Variants in IFNL2 observed in about 807,000 individuals in gnomAD.
IFNL2 encodes the protein interferon lambda 2.
IFNL2 carries 17 observed loss-of-function variants against 18.7 expected under a neutral mutation model. The observed-to-expected ratio is 0.91, with a 90% CI of 0.62 to 1.36. The LOEUF is 1.36. IFNL2 is among the 40% of genes most tolerant of loss of function. IFNL2 has a pLI of 0.00. For missense variants in IFNL2, 225 were observed against 257.3 expected (o/e 0.87, Z 0.86); for synonymous variants, 96 against 113.4 (o/e 0.85, Z 0.98).
Position 39,269,531 on chromosome 19 carries a change from C to T in IFNL2, c.314C>T (p.Thr105Met), listed in dbSNP as rs200211932. 1.2e-4 allele frequency: 195 copies of T among 1,614,110 alleles called. No homozygotes were observed. The highest frequency in any genetic ancestry group is 1.4e-4 in the Non-Finnish European group (168 of 1,180,044). The stretch of plus-strand genomic sequence containing the variant: ...GCTTTGGAGGCTGAGCTGGCCCTGA[C>T]GCTGAAGGTTCTGGAGGCCACCGCT... ...PMALEAELAL[T>M]LKVLEATADT... Residue 105 changes from threonine to methionine, a missense_variant, in exon 4 of 6, where the codon ACG (threonine) becomes ATG (methionine). Thr to Met is a moderately conservative substitution (Grantham distance 81, BLOSUM62 -1). Coordinates refer to ENST00000331982, the MANE Select transcript of IFNL2 (RefSeq NM_172138.2).
At chr19:39,269,089 C>G in intron 2 of IFNL2, 63 bp from the exon 3 acceptor site, 2 of 1,549,652 alleles carry the variant, frequency 1.3e-6, no homozygotes, top group Non-Finnish European at 1.8e-6. Context: ...ATCCTCCAAT[C>G]CCACCAGGAT....
At position 39,269,794 on chromosome 19, in the gene IFNL2, G is replaced by A. The variant is rs762115253; in HGVS notation, c.477G>A (p.Leu159=). ...CCCGGGGCCGCCTCCACCATTGGCT[G>A]TACCGGCTCCAGGAGGCCCCAAAAA... ...PRTRGRLHHW[L]YRLQEAPKKE... Residue 159 remains leucine, a synonymous_variant, in exon 5 of 6, where the codon CTG becomes CTA. Transcript: ENST00000331982. 21 of 1,609,350 alleles carry A rather than the reference G, an allele frequency of 1.3e-5. No individual in the cohort carries two copies. Among genetic ancestry groups the A allele is most frequent in the Admixed American group, 1.7e-5 (1 of 59,408 alleles).
At chr19:39,269,699 C>G in intron 4 of IFNL2, 39 bp from the exon 5 acceptor site, 1 of 1,607,300 alleles carries the variant, frequency 6.2e-7, no homozygotes, top group Non-Finnish European at 8.5e-7. Flanking sequence ...TTCCCCTTGC[C>G]AAGGCCCCGG....
chr19:39,269,185 C>A lies in IFNL2; in HGVS notation c.226C>A (p.His76Asn). The A allele has an allele frequency of 6.2e-7, 1 of 1,610,762 alleles. No individual in the cohort carries two copies. Among genetic ancestry groups the A allele is most frequent in the Non-Finnish European group, 8.5e-7 (1 of 1,178,556 alleles). ...ESLLLKDCRC[H>N]SRLFPRTWDL... ...GCTTCTGCTGAAGGACTGCAGGTGC[C>A]ACTCCCGCCTCTTCCCCAGGACCTG... The change falls in exon 3 of 6, where the codon CAC becomes AAC. Residue 76 changes from histidine (H) to asparagine (N), a missense_variant. Physicochemically the swap from His to Asn is moderately conservative, Grantham distance 68. Transcript: ENST00000331982.
At position 39,270,002 on chromosome 19, in the gene IFNL2, C is replaced by T; in HGVS notation, c.592C>T (p.Leu198=). The part of the protein sequence containing the change: ...RDLNCVASGD[L]CV The stretch of plus-strand genomic sequence containing the variant: ...CCTGAATTGTGTTGCCAGTGGGGAC[C>T]TGTGTGTCTGACCCTCCCACCAGTC... Residue 198 remains leucine, a synonymous_variant, in exon 6 of 6, where the codon CTG becomes TTG. Coordinates refer to ENST00000331982, the MANE Select transcript of IFNL2 (RefSeq NM_172138.2). 2.5e-6 allele frequency: 4 copies of T among 1,596,656 alleles called. No individual in the cohort carries two copies. Among genetic ancestry groups the T allele is most frequent in the Non-Finnish European group, 3.4e-6 (4 of 1,171,196 alleles).
intron 3 of IFNL2, 38 bp downstream of exon 3, chr19:39,269,267 C>G (rs749510524): frequency 6.3e-7 from 1 of 1,583,480 alleles, no homozygotes; most frequent in Admixed American, 1.8e-5. Context: ...GCTCTCCCAG[C>G]CCCACTCACC....
In IFNL2 at chr19:39,268,493, T is replaced by G. The variant is rs552990212; in HGVS notation, c.-76T>G. 1.4e-5 allele frequency: 19 copies of G among 1,379,000 alleles called. No individual in the cohort carries two copies. The highest frequency in any genetic ancestry group is 7.4e-5 in the South Asian group (6 of 81,036). The allele number at this position is 1,379,000 out of a possible 1,614,324, so 85.4% of individuals were successfully genotyped here. A position where few individuals can be genotyped will look rare whatever the true frequency, so the allele number is the denominator to read the frequency against. ...AGAGGGGACTGAAAAGAACAGAGAC[T>G]CCAGACAAGACCCAAACAGACCCTG... On this transcript the variant is annotated 5_prime_UTR_variant, in exon 1 of 6. Transcript: ENST00000331982.
At position 39,268,754 on chromosome 19, in the gene IFNL2, A is replaced by T; in HGVS notation, c.88A>T (p.Arg30Trp). ...CGTGACTGGAGCAGTTCCTGTCGCCAGGCTCCACGGGGCTCTCCCGGATGC... is the reference window on the plus strand; with the variant it reads ...CGTGACTGGAGCAGTTCCTGTCGCCTGGCTCCACGGGGCTCTCCCGGATGC... ...LTVTGAVPVA[R>W]LHGALPDARG... Residue 30 changes from arginine to tryptophan, a missense_variant, in exon 2 of 6, where the codon AGG becomes TGG. Physicochemically the swap from Arg to Trp is moderately radical, Grantham distance 101 (BLOSUM62 -3). Transcript: ENST00000331982. 1 of 1,613,290 alleles carries T rather than the reference A, an allele frequency of 6.2e-7. No individual in the cohort carries two copies. Among genetic ancestry groups the T allele is most frequent in the Non-Finnish European group, 8.5e-7 (1 of 1,179,856 alleles).
At position 39,269,081 on chromosome 19, in the gene IFNL2, C is replaced by G. The variant is rs551550242; in HGVS notation, c.193-71C>G. On this transcript the variant is annotated intron_variant, in intron 2 of 5. Coordinates refer to ENST00000331982, the MANE Select transcript of IFNL2 (RefSeq NM_172138.2). ...CCTCCCCTATCCTGTTGTCAGCCAT[C>G]CTCCAATCCCACCAGGATGGTCTAA... is the stretch of plus-strand genomic sequence containing the variant. 33 of 1,531,116 alleles carry G rather than the reference C, an allele frequency of 2.2e-5. No homozygotes were observed. In the Admixed American group the frequency reaches 6.0e-4, roughly 28 times the overall value. The allele number at this position is 1,531,116 out of a possible 1,614,324, so 94.8% of individuals were successfully genotyped here.
intron 2 of IFNL2, 69 bp downstream of exon 2, chr19:39,268,927 C>A: frequency 6.4e-7 from 1 of 1,552,212 alleles, no homozygotes; most frequent in East Asian, 2.3e-5. Flanking sequence ...CCATGCTTTC[C>A]CACTCCCAGC....
intron 3 of IFNL2, 114 bp downstream of exon 3, chr19:39,269,343 C>A: frequency 6.8e-7 from 1 of 1,474,834 alleles, no homozygotes; most frequent in Non-Finnish European, 9.2e-7. Context: ...CTCACACCTG[C>A]TCTCCCTTCC....
intron 2 of IFNL2, 142 bp from the exon 3 acceptor site, chr19:39,269,010 T>C: frequency 2.9e-6 from 4 of 1,367,466 alleles, no homozygotes; most frequent in Non-Finnish European, 4.0e-6. Flanking sequence ...GACTGACTCA[T>C]GTTTTCCTGT....
chr19:39,268,573 A>G lies in IFNL2; in HGVS notation c.5A>G (p.Lys2Arg), dbSNP rs757485825. M[K>R]LDMTGDCTPV... ...GACAAAGACCAGAGATCAGGAATGA[A>G]ACTAGGTGAGTCCCACATCTCTGTC... Residue 2 changes from lysine (K) to arginine (R), a missense_variant, in exon 1 of 6, where the codon AAA becomes AGA. Lys to Arg is a conservative substitution (Grantham distance 26). Transcript: ENST00000331982. The G allele has an allele frequency of 2.5e-6, 4 of 1,612,472 alleles. No individual in the cohort carries two copies. The highest frequency in any genetic ancestry group is 3.4e-6 in the Non-Finnish European group (4 of 1,179,308).
At position 39,268,700 on chromosome 19, in the gene IFNL2, G is replaced by A. The variant is rs955692886; in HGVS notation, c.34G>A (p.Val12Met). 2 of 1,613,084 alleles carry A rather than the reference G, an allele frequency of 1.2e-6. No homozygotes were observed. Among genetic ancestry groups the A allele is most frequent in the Non-Finnish European group, 1.7e-6 (2 of 1,179,862 alleles). The change falls in exon 2 of 6, where the codon GTG (valine) becomes ATG (methionine). Residue 12 changes from valine to methionine, a missense_variant. Val to Met is a conservative substitution (Grantham distance 21). Transcript: ENST00000331982. ...KLDMTGDCTPVLVLMAAVLTV... is the reference protein window; with the variant it reads ...KLDMTGDCTPMLVLMAAVLTV... ...AGACATGACTGGGGACTGCACGCCA[G>A]TGCTGGTGCTGATGGCCGCAGTGCT...
rs760589215 is a variant in IFNL2, at chr19:39,269,438, C to T, written c.271-50C>T. The T allele has an allele frequency of 3.7e-6, 6 of 1,604,844 alleles. No individual in the cohort carries two copies. In the South Asian group the frequency reaches 6.7e-5, roughly 18 times the overall value. ...TGTTCCTCTCTATCCTGCTCCCCAA[C>T]CTGTTCCCCTCACCTCCCCCCTCAC... On this transcript the variant is annotated intron_variant, in intron 3 of 5. Coordinates refer to ENST00000331982, the MANE Select transcript of IFNL2 (RefSeq NM_172138.2).
chr19:39,269,374 A>G, intron 3 of IFNL2, 114 bp from the exon 4 acceptor site: 2 of 1,502,630 alleles, frequency 1.3e-6, no homozygotes, highest in Non-Finnish European at 9.0e-7. Context: ...ACCTGACCAC[A>G]CTGGCTGTGC....
chr19:39,269,453 T>TC (rs2075027348), intron 3 of IFNL2, 35 bp from the exon 4 acceptor site: 1 of 1,610,798 alleles, frequency 6.2e-7, no homozygotes. Context: ...TCCCCTCACC[T>TC]CCCCCCTCAC....
In IFNL2 at chr19:39,269,720, G is replaced by A. The variant is rs376550987; in HGVS notation, c.421-18G>A. 45 of 1,605,272 alleles carry A rather than the reference G, an allele frequency of 2.8e-5. No individual in the cohort carries two copies. Among genetic ancestry groups the A allele is most frequent in the African/African-American group, 4.0e-5 (3 of 74,672 alleles). On this transcript the variant is annotated intron_variant, in intron 4 of 5. Transcript: ENST00000331982. ...TTGCCAAGGCCCCGGCTCACACACC[G>A]CCCTCCTCTGCCCACAGATCCAGCC...
In IFNL2 at chr19:39,270,081, C is replaced by G; in HGVS notation, c.*68C>G. On this transcript the variant is annotated 3_prime_UTR_variant, in exon 6 of 6. Coordinates refer to ENST00000331982, the MANE Select transcript of IFNL2 (RefSeq NM_172138.2). ...AGCCACTTGTCTTAATTTATTGCCA[C>G]CCAGTCGCTATTTATGTATTTGTGT... 6.7e-7 allele frequency: 1 copy of G among 1,495,888 alleles called. No homozygotes were observed. The highest frequency in any genetic ancestry group is 9.1e-7 in the Non-Finnish European group (1 of 1,097,740). 92.7% of individuals were successfully genotyped at this position (1,495,888 alleles called of 1,614,324 possible).
Sources: allele counts gnomAD v4.1 joint callset, GRCh38; gene constraint gnomAD v4.1.1; transcripts MANE v1.5; gene names NCBI Gene and HGNC (gene_info 2026-07-23, HGNC 2026-07-21).